ABLIM1: variants seen among roughly 807,000 people sequenced by gnomAD.
ABLIM1 encodes actin binding LIM protein 1.
In ABLIM1, 40 loss-of-function variants were observed where a neutral mutation model predicts 107.0. The ratio of observed to expected loss-of-function variants is 0.37; its 90% CI spans 0.29 to 0.49. The LOEUF (loss-of-function observed/expected upper bound fraction) is 0.49, where lower values mean the gene tolerates loss of function less well. Among genes scored for constraint, ABLIM1 ranks in the 20% least tolerant of loss-of-function variants. The pLI, the probability that ABLIM1 is intolerant of heterozygous loss-of-function variation, is 0.97. For missense variants in ABLIM1, 857 were observed against 1,008.5 expected (o/e 0.85, Z 2.04); for synonymous variants, 357 against 357.3 (o/e 1.00, Z 0.01).
chr10:114,444,366 G>A (rs2060706107), intron 16 of ABLIM1, among the ~76,000 whole-genome samples: 1 of 152,214 alleles, frequency 6.6e-6, no homozygotes, highest in East Asian at 1.9e-4. Flanking sequence ...GTCAGGCTCT[G>A]TGTTAGAAGA....
intron 1 of ABLIM1, among the ~76,000 whole-genome samples, chr10:114,634,034 A>G (rs906888546): frequency 9.2e-5 from 13 of 141,584 alleles, no homozygotes; most frequent in African/African-American, 3.2e-4. Flanking sequence ...CTTCCTTGCT[A>G]CTATAATGTG....
At chr10:114,559,914 G>A (rs890689613) in intron 4 of ABLIM1, among the ~76,000 whole-genome samples, 3 of 152,186 alleles carry the variant, frequency 2.0e-5, no homozygotes, top group Non-Finnish European at 4.4e-5. Context: ...GTAGAGAAAG[G>A]GAAGGATCTA....
At chr10:114,559,420 T>C (rs765398714) in intron 4 of ABLIM1, among the ~76,000 whole-genome samples, 18 of 43,394 alleles carry the variant, frequency 4.1e-4, no homozygotes, top group Non-Finnish European at 7.8e-4. Flanking sequence ...TTGGACAACA[T>C]AGCAAAAACT....
chr10:114,667,986 C>T (rs1386135497), intron 1 of ABLIM1, among the ~76,000 whole-genome samples: 2 of 151,902 alleles, frequency 1.3e-5, no homozygotes, highest in African/African-American at 4.8e-5. Flanking sequence ...TTTGGAGCCC[C>T]AAAGCATGCC....
chr10:114,606,269 C>G (rs180878390), intron 1 of ABLIM1, among the ~76,000 whole-genome samples: 2 of 152,220 alleles, frequency 1.3e-5, no homozygotes, highest in Admixed American at 1.3e-4. Flanking sequence ...CAGAGTCTTG[C>G]TCTGTCGCCA....
Position 114,493,415 on chromosome 10 carries a change from C to A in ABLIM1, c.895-1537G>T, listed in dbSNP as rs778651367. On this transcript the variant is annotated intron_variant, in intron 6 of 22. Coordinates refer to ENST00000533213, the MANE Select transcript of ABLIM1 (RefSeq NM_002313.7). The stretch of plus-strand genomic sequence containing the variant: ...ACAAATAGAAAGAAATGTCTTCAAG[C>A]TGATCAAGTGTATTTATCATATTTA... 6.6e-5 allele frequency among the ~76,000 whole-genome samples: 10 copies of A among 152,188 alleles called. No individual in the cohort carries two copies. In the South Asian group the frequency reaches 8.3e-4, roughly 13 times the overall value.
chr10:114,694,503 TG>T (rs1344385822), intron 1 of ABLIM1, among the ~76,000 whole-genome samples: 1 of 152,178 alleles, frequency 6.6e-6, no homozygotes, highest in Non-Finnish European at 1.5e-5. Flanking sequence ...AAAATAGTCC[TG>T]GTTTACCACT....
chr10:114,606,946 A>G (rs1215176552), intron 1 of ABLIM1, among the ~76,000 whole-genome samples: 1 of 151,984 alleles, frequency 6.6e-6, no homozygotes, highest in African/African-American at 2.4e-5. Context: ...CCTCTCCTTC[A>G]TTTCCCAACA....
At chr10:114,649,399 CAAAATAAATAAATAAA>C (rs1175734539) in intron 1 of ABLIM1, among the ~76,000 whole-genome samples, 2 of 110,214 alleles carry the variant, frequency 1.8e-5, no homozygotes, top group African/African-American at 6.8e-5. Flanking sequence ...AAGACTCTGT[CAAAATAAATAAATAAA>C]TAAATAAATA....
At chr10:114,615,626 G>A in intron 1 of ABLIM1, 1 of 447,414 alleles carries the variant, frequency 2.2e-6, no homozygotes, top group South Asian at 1.6e-5. Flanking sequence ...TGTTCAATAT[G>A]TTCATGTTTT....
rs531020765 is a variant in ABLIM1 at position 114,546,461 on chromosome 10, GT to G, written c.800+1188del. On this transcript the variant is annotated intron_variant, in intron 5 of 22. Coordinates refer to ENST00000533213, the MANE Select transcript of ABLIM1 (RefSeq NM_002313.7). ...GGTGCCCACCACCATGCCCGGCTCAGTTTTTGTATTTTTAGTACAGATGAGG... is the reference window on the plus strand; with the variant it reads ...GGTGCCCACCACCATGCCCGGCTCAGTTTTGTATTTTTAGTACAGATGAGG... 1.3e-4 allele frequency among the ~76,000 whole-genome samples: 19 copies of G among 151,870 alleles called. No individual in the cohort carries two copies. In the South Asian group the frequency reaches 3.8e-3, roughly 30 times the overall value.
At chr10:114,647,562 T>G (rs2079063681) in intron 1 of ABLIM1, among the ~76,000 whole-genome samples, 1 of 152,246 alleles carries the variant, frequency 6.6e-6, no homozygotes, top group Admixed American at 6.5e-5. Flanking sequence ...CAGGTCATGA[T>G]GGACAGAAAG....
At chr10:114,609,206 A>G (rs983757990) in intron 1 of ABLIM1, among the ~76,000 whole-genome samples, 2 of 152,200 alleles carry the variant, frequency 1.3e-5, no homozygotes, top group African/African-American at 4.8e-5. Flanking sequence ...ACCAAGCACT[A>G]AAATACTCTA....
intron 4 of ABLIM1, among the ~76,000 whole-genome samples, chr10:114,548,415 C>T (rs2067637492): frequency 6.6e-6 from 1 of 152,078 alleles, no homozygotes; most frequent in East Asian, 1.9e-4. Context: ...TAAGACATCC[C>T]AGTGAGGAAC....
chr10:114,773,591 G>A, the ABLIM1 span, among the ~76,000 whole-genome samples: 4 of 152,212 alleles, frequency 2.6e-5, no homozygotes, highest in Non-Finnish European at 4.4e-5. Flanking sequence ...ACATGGTGGT[G>A]CATGCCTGTA....
intron 10 of ABLIM1, among the ~76,000 whole-genome samples, chr10:114,468,878 C>T (rs537453702): frequency 2.0e-5 from 3 of 151,814 alleles, no homozygotes; most frequent in South Asian, 2.1e-4. Context: ...GGTGAAACCC[C>T]GTCTCTACTA....
the ABLIM1 span, among the ~76,000 whole-genome samples, chr10:114,784,126 T>C: frequency 1.3e-5 from 2 of 151,334 alleles, no homozygotes; most frequent in East Asian, 3.9e-4. Context: ...GGGGGGCGGA[T>C]CACAAGGTCA....
intron 1 of ABLIM1, among the ~76,000 whole-genome samples, chr10:114,626,467 G>T (rs2077805890): frequency 6.6e-6 from 1 of 152,074 alleles, no homozygotes; most frequent in African/African-American, 2.4e-5. Context: ...GGTATGAACT[G>T]GACTACTCAC....
Position 114,658,122 on chromosome 10 carries a change from T to C in ABLIM1, c.79A>G (p.Thr27Ala). ...EKSKVTSSER[T>A]SARGSNRKRL... ...TTTCTGTTCGAGCCCCTGGCACTGG[T>C]TCTCTCAGATGAGGTGACTTTGCTT... is the stretch of plus-strand genomic sequence containing the variant. The change falls in exon 1 of 23, where the codon ACC (threonine) becomes GCC (alanine). Residue 27 changes from threonine (T) to alanine (A), a missense_variant. This residue lies in a region of ABLIM1 where 176 missense variants were observed against 173.5 expected (regional missense o/e 1.01). Transcript: ENST00000533213. 3 of 1,614,178 alleles carry C rather than the reference T, an allele frequency of 1.9e-6. No homozygotes were observed.
Sources: allele counts gnomAD v4.1 joint callset (sites outside exome capture counted in the v4.1 genomes callset), GRCh38; gene constraint gnomAD v4.1.1; regional missense constraint gnomAD v4.1.1; transcripts MANE v1.5; gene names NCBI Gene and HGNC (gene_info 2026-07-23, HGNC 2026-07-21).